Variants in LAMB1 observed in about 807,000 individuals in gnomAD.
LAMB1 encodes the protein laminin subunit beta 1.
A neutral mutation model predicts 222.3 loss-of-function variants in LAMB1; 121 were observed. The observed-to-expected ratio is 0.54, with a 90% CI of 0.47 to 0.63. LAMB1 has a LOEUF of 0.63. Among genes scored for constraint, LAMB1 ranks in the 30% least tolerant of loss-of-function variants. The pLI, the probability that LAMB1 is intolerant of heterozygous loss-of-function variation, is 0.00. For missense variants in LAMB1, 2,172 were observed against 2,240.8 expected (o/e 0.97, Z 0.62); for synonymous variants, 794 against 807.2 (o/e 0.98, Z 0.28).
intron 27 of LAMB1, among the ~76,000 whole-genome samples, chr7:107,933,857 A>AC (rs973567465): frequency 1.1e-4 from 17 of 152,100 alleles, no homozygotes; most frequent in African/African-American, 4.1e-4. Context: ...GGCCAGAGGA[A>AC]CCCCGAACCC....
At chr7:107,935,730 T>G (rs761857601) in intron 26 of LAMB1, 74 bp from the exon 27 acceptor site, 1 of 1,523,384 alleles carries the variant, frequency 6.6e-7, no homozygotes, top group Non-Finnish European at 8.9e-7. Flanking sequence ...TGTCTATATT[T>G]GGTGTCTTCG....
In LAMB1 at chr7:108,001,626, T is replaced by C. The variant is rs767769822; in HGVS notation, c.145A>G (p.Lys49Glu). Residue 49 changes from lysine (K) to glutamate (E), a missense_variant, in exon 3 of 34, where the codon AAG (lysine) becomes GAG (glutamate). Transcript: ENST00000222399. ...CCGCACGTCGAGGTCACCGAAAGCT[T>C]CTGTGCTCGGCCGATGAGAAGGTCG... ...TGDLLIGRAQKLSVTSTCGLH... is the reference protein window; with the variant it reads ...TGDLLIGRAQELSVTSTCGLH... The C allele has an allele frequency of 2.3e-5, 37 of 1,613,118 alleles. No individual in the cohort carries two copies. In the Admixed American group the frequency reaches 3.8e-4, roughly 17 times the overall value.
intron 14 of LAMB1, among the ~76,000 whole-genome samples, chr7:107,963,544 T>C (rs913510998): frequency 6.6e-6 from 1 of 152,206 alleles, no homozygotes; most frequent in African/African-American, 2.4e-5. Context: ...TTCTGATTAA[T>C]TGTTTACAGG....
chr7:107,933,214 C>A (rs1052298474), intron 27 of LAMB1, among the ~76,000 whole-genome samples: 1 of 152,042 alleles, frequency 6.6e-6, no homozygotes, highest in Admixed American at 6.6e-5. Flanking sequence ...AAAGGCTGAG[C>A]AGGGAGAAAA....
At chr7:107,961,905 T>A (rs1319682345) in intron 15 of LAMB1, among the ~76,000 whole-genome samples, 1 of 152,150 alleles carries the variant, frequency 6.6e-6, no homozygotes, top group African/African-American at 2.4e-5. Context: ...AATGTCCCTT[T>A]CAGTCCACTT....
chr7:107,995,326 G>A (rs1366478855), intron 4 of LAMB1, among the ~76,000 whole-genome samples: 3 of 152,192 alleles, frequency 2.0e-5, no homozygotes, highest in African/African-American at 2.4e-5. Context: ...GGAAAAAAGG[G>A]AGGGGCACTT....
At chr7:107,941,709 C>T (rs2032985412) in intron 24 of LAMB1, among the ~76,000 whole-genome samples, 1 of 148,750 alleles carries the variant, frequency 6.7e-6, no homozygotes, top group Non-Finnish European at 1.5e-5. Context: ...GGCTGGAGTA[C>T]AATGGCGCGA....
At chr7:107,927,522 A>C (rs920825566) in intron 31 of LAMB1, among the ~76,000 whole-genome samples, 2 of 152,170 alleles carry the variant, frequency 1.3e-5, no homozygotes, top group African/African-American at 4.8e-5. Context: ...GCATGATCAT[A>C]GTGCACTATA....
intron 4 of LAMB1, among the ~76,000 whole-genome samples, chr7:107,996,611 A>G (rs1228031298): frequency 6.6e-6 from 1 of 152,206 alleles, no homozygotes; most frequent in Non-Finnish European, 1.5e-5. Context: ...GTCTAATCTC[A>G]TCTAATCTCT....
At chr7:107,952,280 G>C in intron 22 of LAMB1, 57 bp from the exon 23 acceptor site, 1 of 1,307,910 alleles carries the variant, frequency 7.6e-7, no homozygotes, top group African/African-American at 1.4e-5. Flanking sequence ...CAGGCATGCG[G>C]ATGTTAGCCA....
chr7:107,953,504 G>T, intron 22 of LAMB1, 26 bp downstream of exon 22: 1 of 1,490,566 alleles, frequency 6.7e-7, no homozygotes, highest in Non-Finnish European at 9.4e-7. Flanking sequence ...ATTCTAAGAA[G>T]TGGGCAGAAT....
At chr7:107,964,451 G>T in intron 14 of LAMB1, 101 bp downstream of exon 14, 2 of 1,378,226 alleles carry the variant, frequency 1.5e-6, no homozygotes, top group Non-Finnish European at 2.0e-6. Flanking sequence ...CACTGACAAA[G>T]CTATAAAAAT....
At chr7:107,974,922 G>A in intron 12 of LAMB1, 64 bp downstream of exon 12, 1 of 926,016 alleles carries the variant, frequency 1.1e-6, no homozygotes, top group Admixed American at 1.7e-5. Context: ...TGGCGAAAAG[G>A]CTTCTCTATT....
At position 107,953,688 on chromosome 7, in the gene LAMB1, T is replaced by G. The variant is rs555110061; in HGVS notation, c.2921A>C (p.Gln974Pro). ...AATGTTGTTGTGACACTGGCAAGGC[T>G]GACACGACCCCCCAACTTCTGATGG... is the stretch of plus-strand genomic sequence containing the variant. The part of the protein sequence containing the change: ...GNPSEVGGSC[Q>P]PCQCHNNIDT... The change falls in exon 22 of 34, where the codon CAG becomes CCG. Residue 974 changes from glutamine to proline, a missense_variant. Transcript: ENST00000222399. 1.9e-6 allele frequency: 3 copies of G among 1,614,162 alleles called. No individual in the cohort carries two copies. The highest frequency in any genetic ancestry group is 2.7e-5 in the African/African-American group (2 of 75,044).
intron 6 of LAMB1, 36 bp downstream of exon 6, chr7:107,986,139 T>C (rs772901537): frequency 3.1e-6 from 5 of 1,611,136 alleles, no homozygotes; most frequent in East Asian, 2.2e-5. Context: ...AAAAGTAGAT[T>C]TGCAAGTAGA....
intron 28 of LAMB1, 29 bp downstream of exon 28, chr7:107,932,145 A>G: frequency 6.2e-7 from 1 of 1,606,064 alleles, no homozygotes; most frequent in South Asian, 1.1e-5. Flanking sequence ...AACATACATA[A>G]CAAAAACTGA....
intron 8 of LAMB1, among the ~76,000 whole-genome samples, chr7:107,979,370 A>G (rs181773399): frequency 4.6e-5 from 7 of 152,340 alleles, no homozygotes; most frequent in African/African-American, 1.7e-4. Context: ...CAATCTTTGA[A>G]AAGGCAACAG....
chr7:107,924,872 TGAG>T (rs928222663), intron 32 of LAMB1, among the ~76,000 whole-genome samples: 2 of 151,764 alleles, frequency 1.3e-5, no homozygotes, highest in African/African-American at 2.4e-5. Flanking sequence ...AAGAAGTGAG[TGAG>T]GAGAAGAGAA....
intron 24 of LAMB1, chr7:107,940,682 A>G: frequency 3.6e-6 from 1 of 278,194 alleles, no homozygotes; most frequent in Non-Finnish European, 7.0e-6. Context: ...GAGATCAGAG[A>G]GATTATGTAA....
Sources: allele counts gnomAD v4.1 joint callset (sites outside exome capture counted in the v4.1 genomes callset), GRCh38; gene constraint gnomAD v4.1.1; transcripts MANE v1.5; gene names NCBI Gene and HGNC (gene_info 2026-07-23, HGNC 2026-07-21).